The following GPI variants were observed in gnomAD, a reference collection of about 807,000 sequenced individuals.
GPI encodes glucose-6-phosphate isomerase.
A neutral mutation model predicts 75.8 loss-of-function variants in GPI; 56 were observed. The ratio of observed to expected loss-of-function variants is 0.74; its 90% CI spans 0.60 to 0.92. The LOEUF (loss-of-function observed/expected upper bound fraction) is 0.92. GPI is among the 40% of genes least tolerant of loss of function. The pLI is 0.00. For synonymous variants in GPI, 288 were observed against 285.4 expected, an observed-to-expected ratio of 1.01 and a Z score of -0.09; for missense variants, 638 against 741.0, an observed-to-expected ratio of 0.86 and a Z score of 1.61.
In GPI at chr19:34,380,197, C is replaced by T. The variant is rs978904924; in HGVS notation, c.750+635C>T. ...TTTTAGTAGAGACGGGGTTTCACCACGTTGGCCAGGCTGGTCTCTGACTCC... is the reference window on the plus strand; with the variant it reads ...TTTTAGTAGAGACGGGGTTTCACCATGTTGGCCAGGCTGGTCTCTGACTCC... On this transcript the variant is annotated intron_variant, in intron 8 of 17. Transcript: ENST00000356487. Among the ~76,000 whole-genome samples the T allele has an allele frequency of 3.3e-5, 5 of 151,766 alleles. No homozygotes were observed. In the East Asian group the frequency reaches 7.8e-4, roughly 24 times the overall value.
intron 12 of GPI, among the ~76,000 whole-genome samples, 163 bp from the exon 13 acceptor site, chr19:34,396,138 A>AT: frequency 6.6e-6 from 1 of 152,090 alleles, no homozygotes; most frequent in East Asian, 1.9e-4. Flanking sequence ...GGGTTTCTCC[A>AT]TGTTAATCAG....
Position 34,365,277 on chromosome 19 carries a change from T to C in GPI, c.11T>C (p.Leu4Pro). 6.3e-7 allele frequency: 1 copy of C among 1,575,794 alleles called. No individual in the cohort carries two copies. Among genetic ancestry groups the C allele is most frequent in the Non-Finnish European group, 8.6e-7 (1 of 1,163,814 alleles). The change falls in exon 1 of 18, where the codon CTC (leucine) becomes CCC (proline). Residue 4 changes from leucine to proline, a missense_variant. Transcript: ENST00000356487. MAA[L>P]TRDPQFQKLQ... Reference sequence around the variant, plus strand: ...CCTTCTAGTCCCGCCATGGCCGCTCTCACCCGGGACCCCCAGTTCCAGAAG... The same window carrying C: ...CCTTCTAGTCCCGCCATGGCCGCTCCCACCCGGGACCCCCAGTTCCAGAAG...
chr19:34,360,327 G>A (rs1197486355), upstream of GPI, among the ~76,000 whole-genome samples: 4 of 152,254 alleles, frequency 2.6e-5, no homozygotes, highest in East Asian at 1.9e-4. Context: ...GCACAGTGAC[G>A]CATACCTGTA....
At chr19:34,374,696 A>ATTTCT (rs1179632279) in intron 4 of GPI, among the ~76,000 whole-genome samples, 19 of 149,762 alleles carry the variant, frequency 1.3e-4, no homozygotes, top group South Asian at 6.4e-4. Flanking sequence ...TGGGATAATT[A>ATTTCT]TTTCTTTTCT....
intron 4 of GPI, among the ~76,000 whole-genome samples, chr19:34,372,709 G>C (rs2074474138): frequency 6.6e-6 from 1 of 152,182 alleles, no homozygotes; most frequent in African/African-American, 2.4e-5. Context: ...TTTTGGAAGG[G>C]TGAATCGGAT....
chr19:34,389,765 A>G (rs1215136868), intron 9 of GPI, among the ~76,000 whole-genome samples: 2 of 152,104 alleles, frequency 1.3e-5, no homozygotes, highest in East Asian at 3.9e-4. Context: ...TTCCTTTTAT[A>G]AGTGGCCTCA....
intron 9 of GPI, among the ~76,000 whole-genome samples, chr19:34,389,540 C>T (rs980884918): frequency 3.3e-5 from 5 of 152,178 alleles, no homozygotes; most frequent in African/African-American, 7.2e-5. Flanking sequence ...ACCTCTCCTT[C>T]GTGTCTAGAA....
rs1254628544 is a variant in GPI at position 34,366,210 on chromosome 19, C to A, written c.123-135C>A. The A allele has an allele frequency of 1.9e-5, 14 of 732,430 alleles. No homozygotes were observed. In the Admixed American group the frequency reaches 2.7e-4, roughly 14 times the overall value. The allele number at this position is 732,430 out of a possible 1,614,324, so 45.4% of individuals were successfully genotyped here. On this transcript the variant is annotated intron_variant, in intron 1 of 17. Transcript: ENST00000356487. ...GGCCAGCAGGTGACAGACACCACCA[C>A]TGTGCTGGGTGGCCGCGGCCCTTGT...
Position 34,393,202 on chromosome 19 carries a change from C to T in GPI, c.805-46C>T, listed in dbSNP as rs376962244. 4.3e-5 allele frequency: 61 copies of T among 1,415,580 alleles called. No homozygotes were observed. The highest frequency in any genetic ancestry group is 2.4e-4 in the African/African-American group (17 of 70,856). The allele number at this position is 1,415,580 out of a possible 1,614,324, so 87.7% of individuals were successfully genotyped here. ...AGGGTTTCCGGCAGGAGGTGGGGGG[C>T]GGGGTGTGCCGGCCCTCCCTCAGCA... On this transcript the variant is annotated intron_variant, in intron 9 of 17. Transcript: ENST00000356487. This position sits in a 1 kb window ranked among gnomAD's most constrained non-coding sequence, Gnocchi z 4.4.
intron 4 of GPI, 94 bp from the exon 5 acceptor site, chr19:34,377,409 G>A (rs1214158547): frequency 3.5e-6 from 3 of 856,714 alleles, no homozygotes; most frequent in Non-Finnish European, 6.0e-6. Flanking sequence ...CTGAAAGCTG[G>A]GACTGAGGTA....
Position 34,393,644 on chromosome 19 carries a change from TC to T in GPI, c.866-82del. 1 of 1,340,420 alleles carries T rather than the reference TC, an allele frequency of 7.5e-7. No individual in the cohort carries two copies. Among genetic ancestry groups the T allele is most frequent in the Non-Finnish European group, 1.1e-6 (1 of 931,792 alleles). The allele number at this position is 1,340,420 out of a possible 1,614,324, so 83.0% of individuals were successfully genotyped here. A position where few individuals can be genotyped will look rare whatever the true frequency, so the allele number is the denominator to read the frequency against. On this transcript the variant is annotated intron_variant, in intron 10 of 17. Transcript: ENST00000356487. This position sits in a 1 kb window ranked among gnomAD's most constrained non-coding sequence, Gnocchi z 4.4. ...TATCTTCTGGCTCTCCATGCAGCCT[TC>T]CTTCGTTGCAGAAGGAGCTGTGCCC...
upstream of GPI, among the ~76,000 whole-genome samples, chr19:34,360,871 G>A (rs1599793231): frequency 1.3e-5 from 2 of 152,094 alleles, no homozygotes; most frequent in Non-Finnish European, 1.5e-5. Flanking sequence ...TCTGCCACCC[G>A]GGTTCAAGTG....
rs926911659 is a variant in GPI, at chr19:34,367,211, A to G, written c.282+360A>G. On this transcript the variant is annotated intron_variant, in intron 3 of 17. Transcript: ENST00000356487. ...CTTAGATCACCAAAGACTTCAGCCT[A>G]CTCAAGCAGTAGGAGTCAATAGGAA... 8 of 374,286 alleles carry G rather than the reference A, an allele frequency of 2.1e-5. No homozygotes were observed. In the Middle Eastern group the frequency reaches 2.6e-3, roughly 123 times the overall value. 23.2% of individuals were successfully genotyped at this position (374,286 alleles called of 1,614,324 possible).
At chr19:34,363,997 C>A (rs1379736152), upstream of GPI, among the ~76,000 whole-genome samples, 1 of 152,122 alleles carries the variant, frequency 6.6e-6, no homozygotes, top group Admixed American at 6.6e-5. Flanking sequence ...CCACTTATTT[C>A]TTTTGTTGTC....
upstream of GPI, among the ~76,000 whole-genome samples, chr19:34,363,082 C>CGAG (rs902928042): frequency 6.6e-6 from 1 of 151,884 alleles, no homozygotes; most frequent in African/African-American, 2.4e-5. Context: ...CCCAAGGATT[C>CGAG]GAGACTAGCC....
At position 34,381,019 on chromosome 19, in the gene GPI, A is replaced by G. The variant is rs1405198729; in HGVS notation, c.751-447A>G. ...TGCAGTCACCCTCCCACACATGGGA[A>G]GGGCTGGGTGGCTGTTCAGCCTGTG... On this transcript the variant is annotated intron_variant, in intron 8 of 17. Coordinates refer to ENST00000356487, the MANE Select transcript of GPI (RefSeq NM_000175.5). 4 of 300,960 alleles carry G rather than the reference A, an allele frequency of 1.3e-5. No individual in the cohort carries two copies. The East Asian group carries it at 3.4e-4, about 25-fold the overall frequency. The allele number at this position is 300,960 out of a possible 1,614,324, so 18.6% of individuals were successfully genotyped here.
intron 4 of GPI, among the ~76,000 whole-genome samples, chr19:34,376,845 C>T (rs563397085): frequency 5.3e-5 from 8 of 151,656 alleles, no homozygotes; most frequent in East Asian, 2.0e-4. Context: ...GCCAGTAATT[C>T]GAGACCAGCC....
intron 12 of GPI, among the ~76,000 whole-genome samples, chr19:34,395,359 G>T (rs565403363): frequency 6.6e-6 from 1 of 151,394 alleles, no homozygotes; most frequent in South Asian, 2.1e-4. Flanking sequence ...AGTGAGGCCC[G>T]GTCTCTACAA....
At chr19:34,386,846 G>A (rs2074742441) in intron 9 of GPI, among the ~76,000 whole-genome samples, 1 of 152,056 alleles carries the variant, frequency 6.6e-6, no homozygotes, top group Non-Finnish European at 1.5e-5. Flanking sequence ...GGGGACAGTG[G>A]GTTAGTCACA....
Sources: gnomAD v4.1 joint callset for allele counts (sites outside exome capture counted in the v4.1 genomes callset) on GRCh38, gnomAD v4.1.1 for gene constraint, Gnocchi (gnomAD v3.1) non-coding constraint, MANE v1.5 for transcripts, NCBI Gene and HGNC (gene_info 2026-07-23, HGNC 2026-07-21) for gene names.